Variants in PPP2R2B observed in about 807,000 individuals in gnomAD.
PPP2R2B encodes protein phosphatase 2 regulatory subunit Bbeta.
A neutral mutation model predicts 46.0 loss-of-function variants in PPP2R2B; 5 were observed. The ratio of observed to expected loss-of-function variants is 0.11; its 90% CI spans 0.06 to 0.23. PPP2R2B has a LOEUF of 0.23. Ranked by LOEUF, PPP2R2B falls within the 10% of genes least tolerant of loss-of-function variation. The pLI is 1.00. For synonymous variants in PPP2R2B, 215 were observed against 206.7 expected (o/e 1.04, Z -0.34); for missense variants, 367 against 575.0 (o/e 0.64, Z 3.70).
chr5:146,841,442 T>C (rs1015447263), intron 2 of PPP2R2B, among the ~76,000 whole-genome samples: 4 of 152,160 alleles, frequency 2.6e-5, no homozygotes, highest in Admixed American at 6.5e-5. Flanking sequence ...AATGCACTAT[T>C]TGCATTTTCT....
intron 1 of PPP2R2B, among the ~76,000 whole-genome samples, chr5:146,894,126 C>T (rs546006153): frequency 5.3e-5 from 8 of 152,214 alleles, no homozygotes; most frequent in Non-Finnish European, 1.2e-4. Flanking sequence ...TCAGTATCAT[C>T]TCTTGGCTGT....
intron 1 of PPP2R2B, among the ~76,000 whole-genome samples, chr5:147,019,285 A>C (rs1755149502): frequency 6.6e-6 from 1 of 152,212 alleles, no homozygotes; most frequent in South Asian, 2.1e-4. Flanking sequence ...GTTTGAAGAT[A>C]CAACTGTGAT....
intron 2 of PPP2R2B, among the ~76,000 whole-genome samples, chr5:146,811,998 A>G (rs927866984): frequency 6.6e-6 from 1 of 152,062 alleles, no homozygotes; most frequent in Admixed American, 6.5e-5. Flanking sequence ...TGAGATACAG[A>G]CTTGCCCAGT....
chr5:146,853,879 G>T (rs566051982), intron 2 of PPP2R2B, among the ~76,000 whole-genome samples: 1 of 151,892 alleles, frequency 6.6e-6, no homozygotes, highest in Non-Finnish European at 1.5e-5. Flanking sequence ...TCAGGTCTCA[G>T]TTTAGCCATC....
chr5:146,883,578 T>C (rs1029390237), upstream of PPP2R2B, among the ~76,000 whole-genome samples: 1 of 152,230 alleles, frequency 6.6e-6, no homozygotes, highest in African/African-American at 2.4e-5. Context: ...TTTCTCATTA[T>C]GTATGTGCAG....
intron 5 of PPP2R2B, among the ~76,000 whole-genome samples, chr5:146,682,676 TAATA>T (rs1371836141): frequency 6.6e-6 from 1 of 152,162 alleles, no homozygotes; most frequent in Non-Finnish European, 1.5e-5. Flanking sequence ...AATACATACT[TAATA>T]AATGTCTGCA....
intron 4 of PPP2R2B, among the ~76,000 whole-genome samples, chr5:146,692,621 C>T (rs1049825154): frequency 6.6e-6 from 1 of 150,560 alleles, no homozygotes; most frequent in East Asian, 2.0e-4. Context: ...GCAAGCTCTG[C>T]CTCCTGGGTT....
intron 2 of PPP2R2B, among the ~76,000 whole-genome samples, chr5:146,709,538 G>A (rs1166183192): frequency 8.5e-5 from 13 of 152,202 alleles, no homozygotes; most frequent in Admixed American, 3.3e-4. Context: ...AAGCAGGAGC[G>A]GGACAGAGAT....
At chr5:147,017,549 G>A (rs890737413) in intron 1 of PPP2R2B, among the ~76,000 whole-genome samples, 4 of 151,480 alleles carry the variant, frequency 2.6e-5, no homozygotes, top group African/African-American at 7.2e-5. Flanking sequence ...TTAAAGCAGA[G>A]GAGGAGGAGC....
intron 2 of PPP2R2B, among the ~76,000 whole-genome samples, chr5:146,767,381 A>G (rs1320342297): frequency 6.6e-6 from 1 of 152,114 alleles, no homozygotes; most frequent in Non-Finnish European, 1.5e-5. Context: ...CCATATTCCT[A>G]AGACTGTCAC....
chr5:146,918,224 A>C (rs1763463902), intron 1 of PPP2R2B: 1 of 152,228 alleles, frequency 6.6e-6, no homozygotes, highest in Non-Finnish European at 1.5e-5. Flanking sequence ...AAACAGGAGG[A>C]AGAATATATA....
intron 2 of PPP2R2B, among the ~76,000 whole-genome samples, chr5:146,796,629 A>G (rs1756555149): frequency 6.6e-6 from 1 of 152,174 alleles, no homozygotes; most frequent in Non-Finnish European, 1.5e-5. Context: ...ATAATTGATG[A>G]TTAATAAGGA....
intron 2 of PPP2R2B, among the ~76,000 whole-genome samples, chr5:146,841,252 G>A (rs1368442891): frequency 6.6e-6 from 1 of 152,130 alleles, no homozygotes; most frequent in Non-Finnish European, 1.5e-5. Flanking sequence ...TTATTCACTA[G>A]TACAAATTTT....
chr5:146,687,116 G>T (rs976883041), intron 5 of PPP2R2B, among the ~76,000 whole-genome samples: 1 of 151,658 alleles, frequency 6.6e-6, no homozygotes, highest in East Asian at 1.9e-4. Context: ...GGGAGAGAGA[G>T]GGAGCGATTG....
chr5:146,717,856 C>T (rs1056525353), intron 2 of PPP2R2B, among the ~76,000 whole-genome samples: 3 of 152,130 alleles, frequency 2.0e-5, no homozygotes, highest in African/African-American at 7.2e-5. Context: ...CCCCGTCCTC[C>T]CTTTTCCTTA....
intron 1 of PPP2R2B, among the ~76,000 whole-genome samples, chr5:146,998,305 A>G (rs915781531): frequency 6.6e-6 from 1 of 152,260 alleles, no homozygotes. Flanking sequence ...GTGAAAATGC[A>G]GGTGCTTCAA....
intron 2 of PPP2R2B, among the ~76,000 whole-genome samples, chr5:146,827,375 G>A (rs763155918): frequency 6.6e-6 from 1 of 152,086 alleles, no homozygotes; most frequent in Non-Finnish European, 1.5e-5. Context: ...CATAGATCAA[G>A]GCATAGAGTA....
intron 2 of PPP2R2B, among the ~76,000 whole-genome samples, chr5:146,720,632 C>A (rs1780742189): frequency 6.6e-6 from 1 of 152,104 alleles, no homozygotes; most frequent in South Asian, 2.1e-4. Context: ...AAGAAGTTCA[C>A]CCACAGTTCA....
At chr5:146,931,193 A>ACGT (rs1763958643) in intron 1 of PPP2R2B, among the ~76,000 whole-genome samples, 1 of 152,164 alleles carries the variant, frequency 6.6e-6, no homozygotes, top group Admixed American at 6.6e-5. Context: ...ACCTTCCGCA[A>ACGT]TAATACATTG....
Sources: gnomAD v4.1 joint callset for allele counts (sites outside exome capture counted in the v4.1 genomes callset) on GRCh38, gnomAD v4.1.1 for gene constraint, MANE v1.5 for transcripts, NCBI Gene and HGNC (gene_info 2026-07-23, HGNC 2026-07-21) for gene names.